PLXDC2: variants seen among roughly 807,000 people sequenced by gnomAD.
PLXDC2 encodes plexin domain containing 2, also known as plexin domain-containing protein 2.
Under a neutral mutation model 68.9 loss-of-function variants are expected in PLXDC2, and 40 were observed. That is an observed-to-expected ratio of 0.58 (90% CI 0.45 to 0.76). PLXDC2 has a LOEUF of 0.76. Among genes scored for constraint, PLXDC2 ranks in the 30% least tolerant of loss-of-function variants. The pLI, the probability that PLXDC2 is intolerant of heterozygous loss-of-function variation, is 0.00. For synonymous variants in PLXDC2, 243 were observed against 234.2 expected (o/e 1.04, Z -0.34); for missense variants, 644 against 661.9 (o/e 0.97, Z 0.30).
At chr10:20,011,157 T>C (rs1419225838) in intron 2 of PLXDC2, among the ~76,000 whole-genome samples, 2 of 152,164 alleles carry the variant, frequency 1.3e-5, no homozygotes, top group East Asian at 3.9e-4. Flanking sequence ...TCAGAATATG[T>C]CCATTCTTTA....
At chr10:19,844,626 G>T (rs1030232378) in intron 1 of PLXDC2, among the ~76,000 whole-genome samples, 3 of 150,654 alleles carry the variant, frequency 2.0e-5, no homozygotes, top group Non-Finnish European at 3.0e-5. Flanking sequence ...TTTGAGGTAG[G>T]GCTCTGTCGT....
chr10:19,918,115 T>C (rs191826723), intron 1 of PLXDC2, among the ~76,000 whole-genome samples: 7 of 152,356 alleles, frequency 4.6e-5, no homozygotes, highest in Admixed American at 2.6e-4. Context: ...ATGGTAGCCC[T>C]ATAGATACTA....
At chr10:19,948,764 G>T (rs1424862363) in intron 1 of PLXDC2, among the ~76,000 whole-genome samples, 3 of 151,962 alleles carry the variant, frequency 2.0e-5, no homozygotes, top group African/African-American at 7.2e-5. Flanking sequence ...AAAAATTGTA[G>T]TTACTTTATT....
chr10:20,197,861 C>G (rs1319841050), intron 9 of PLXDC2, among the ~76,000 whole-genome samples: 4 of 152,104 alleles, frequency 2.6e-5, no homozygotes, highest in African/African-American at 9.7e-5. Flanking sequence ...TTGAAACATG[C>G]ATTCAGCCAT....
intron 13 of PLXDC2, among the ~76,000 whole-genome samples, chr10:20,268,839 G>A (rs748397436): frequency 2.0e-5 from 3 of 152,118 alleles, no homozygotes; most frequent in South Asian, 2.1e-4. Flanking sequence ...ACCAGGCAGC[G>A]GTGAACTGGC....
chr10:20,032,127 G>C (rs1835510392), intron 2 of PLXDC2, among the ~76,000 whole-genome samples: 4 of 152,082 alleles, frequency 2.6e-5, no homozygotes, highest in Non-Finnish European at 5.9e-5. Context: ...GGCCCAGAGA[G>C]AGATTTTAAA....
At chr10:20,195,351 C>G (rs1476992233) in intron 9 of PLXDC2, among the ~76,000 whole-genome samples, 2 of 152,170 alleles carry the variant, frequency 1.3e-5, no homozygotes, top group East Asian at 3.9e-4. Context: ...ATCCACCCAG[C>G]CATTCTTTCT....
At chr10:20,028,523 T>A (rs370633560) in intron 2 of PLXDC2, among the ~76,000 whole-genome samples, 1 of 152,188 alleles carries the variant, frequency 6.6e-6, no homozygotes, top group East Asian at 1.9e-4. Context: ...CATATTTGTT[T>A]TTTAGTTTTT....
chr10:20,064,422 G>A lies in PLXDC2; in HGVS notation c.472-3748G>A, dbSNP rs187462546. Among the ~76,000 whole-genome samples the A allele has an allele frequency of 3.3e-5, 5 of 151,844 alleles. No individual in the cohort carries two copies. In the East Asian group the frequency reaches 5.8e-4, roughly 18 times the overall value. On this transcript the variant is annotated intron_variant, in intron 3 of 13. Transcript: ENST00000377252. ...TTTTTAGTAGAGATGGGGTTTCACC[G>A]TGTTAGCCAGGATGGTCTCGATCTC... is the stretch of plus-strand genomic sequence containing the variant.
At chr10:19,946,296 A>G (rs1177097642) in intron 1 of PLXDC2, among the ~76,000 whole-genome samples, 1 of 152,040 alleles carries the variant, frequency 6.6e-6, no homozygotes, top group Non-Finnish European at 1.5e-5. Flanking sequence ...AAACATTAAT[A>G]TTCAATACTC....
intron 7 of PLXDC2, among the ~76,000 whole-genome samples, chr10:20,170,278 C>T (rs992180293): frequency 6.6e-6 from 1 of 152,194 alleles, no homozygotes; most frequent in Non-Finnish European, 1.5e-5. Flanking sequence ...GCAACCTCCC[C>T]CTCCGGGGTT....
chr10:20,077,393 A>G (rs1469124757), intron 4 of PLXDC2, among the ~76,000 whole-genome samples: 2 of 152,218 alleles, frequency 1.3e-5, no homozygotes, highest in Non-Finnish European at 2.9e-5. Context: ...AAAGTAGGTA[A>G]AAAATATGCT....
chr10:20,182,976 A>G (rs1834628246), intron 9 of PLXDC2, among the ~76,000 whole-genome samples: 1 of 151,872 alleles, frequency 6.6e-6, no homozygotes, highest in Non-Finnish European at 1.5e-5. Context: ...TTATTTACTA[A>G]TGAATTAGAA....
At chr10:20,003,875 C>A (rs952086356) in intron 2 of PLXDC2, among the ~76,000 whole-genome samples, 1 of 152,184 alleles carries the variant, frequency 6.6e-6, no homozygotes, top group Non-Finnish European at 1.5e-5. Flanking sequence ...ACTGCCAAGG[C>A]TGTGGTGTGG....
At chr10:20,174,053 T>C (rs1215091414) in intron 7 of PLXDC2, among the ~76,000 whole-genome samples, 3 of 152,154 alleles carry the variant, frequency 2.0e-5, no homozygotes, top group African/African-American at 7.2e-5. Flanking sequence ...TTCTCAATCA[T>C]TGTTAGTAGT....
In PLXDC2 at chr10:20,002,085, T is replaced by C. The variant is rs926654871; in HGVS notation, c.324+99T>C. On this transcript the variant is annotated intron_variant, in intron 2 of 13. Transcript: ENST00000377252. Reference sequence around the variant, plus strand: ...CATAAGTTGTCTCTTCATCTCAATCTAGAAATTTTGGATTTCTTTTAAAGA... The same window carrying C: ...CATAAGTTGTCTCTTCATCTCAATCCAGAAATTTTGGATTTCTTTTAAAGA... The C allele has an allele frequency of 1.1e-4, 137 of 1,228,920 alleles. No individual in the cohort carries two copies. The African/African-American group carries it at 1.8e-3, about 16-fold the overall frequency. 76.1% of individuals were successfully genotyped at this position (1,228,920 alleles called of 1,614,324 possible).
chr10:19,969,262 C>T (rs745623406), intron 1 of PLXDC2, among the ~76,000 whole-genome samples: 15 of 152,116 alleles, frequency 9.9e-5, no homozygotes, highest in Non-Finnish European at 1.5e-4. Flanking sequence ...CATCCATAAC[C>T]GACCCTTAAG....
chr10:20,264,016 A>T lies in PLXDC2; in HGVS notation c.1474-15687A>T, dbSNP rs1190514062. Among the ~76,000 whole-genome samples the T allele has an allele frequency of 2.0e-5, 3 of 152,150 alleles. No individual in the cohort carries two copies. In the East Asian group the frequency reaches 5.8e-4, roughly 29 times the overall value. On this transcript the variant is annotated intron_variant, in intron 13 of 13. Coordinates refer to ENST00000377252, the MANE Select transcript of PLXDC2 (RefSeq NM_032812.9). ...TCTATCCTAAAGACACATGCACTCAAATGTTCATTGCAGCACTGTTCACAA... is the reference window on the plus strand; with the variant it reads ...TCTATCCTAAAGACACATGCACTCATATGTTCATTGCAGCACTGTTCACAA...
At chr10:19,927,601 C>G (rs971053592) in intron 1 of PLXDC2, among the ~76,000 whole-genome samples, 1 of 148,748 alleles carries the variant, frequency 6.7e-6, no homozygotes, top group Non-Finnish European at 1.5e-5. Context: ...ACTCGGGAGG[C>G]TGAGGCAGGA....
Sources: gnomAD v4.1 joint callset for allele counts (sites outside exome capture counted in the v4.1 genomes callset) on GRCh38, gnomAD v4.1.1 for gene constraint, MANE v1.5 for transcripts, NCBI Gene and HGNC (gene_info 2026-07-23, HGNC 2026-07-21) for gene names.